The following PLCH1 variants were observed in gnomAD, a reference collection of about 807,000 sequenced individuals.
The protein encoded by PLCH1 is 1-phosphatidylinositol 4,5-bisphosphate phosphodiesterase eta-1.
A neutral mutation model predicts 126.7 loss-of-function variants in PLCH1; 60 were observed. The ratio of observed to expected loss-of-function variants is 0.47; its 90% CI spans 0.38 to 0.59. The LOEUF (loss-of-function observed/expected upper bound fraction) is 0.59. Ranked by LOEUF, PLCH1 falls within the 20% of genes least tolerant of loss-of-function variation. PLCH1 has a pLI of 0.00. For synonymous variants in PLCH1, 719 were observed against 734.9 expected (o/e 0.98, Z 0.35); for missense variants, 1,723 against 2,040.0 (o/e 0.84, Z 2.99).
At chr3:155,571,276 A>G (rs1329204163) in intron 6 of PLCH1, among the ~76,000 whole-genome samples, 1 of 152,190 alleles carries the variant, frequency 6.6e-6, no homozygotes, top group African/African-American at 2.4e-5. Context: ...TATTTTTATC[A>G]AAGGGTTATA....
intron 2 of PLCH1, among the ~76,000 whole-genome samples, chr3:155,602,994 A>G (rs1273356031): frequency 7.0e-6 from 1 of 143,044 alleles, no homozygotes; most frequent in Non-Finnish European, 1.5e-5. Context: ...ACTCTTTGCT[A>G]CAAAAGAACC....
intron 1 of PLCH1, among the ~76,000 whole-genome samples, chr3:155,721,977 A>ATGGAGGTT (rs529404180): frequency 2.6e-5 from 4 of 151,886 alleles, no homozygotes; most frequent in Admixed American, 2.6e-4. Context: ...AACCTGGGAG[A>ATGGAGGTT]TGGAGGTTGT....
chr3:155,653,209 C>T (rs1232843488), intron 2 of PLCH1, among the ~76,000 whole-genome samples: 1 of 151,638 alleles, frequency 6.6e-6, no homozygotes, highest in African/African-American at 2.4e-5. Context: ...ATAGATGATG[C>T]AGTCTCACTG....
chr3:155,458,453 GGAAAGAAA>G (rs796818041), intron 21 of PLCH1, among the ~76,000 whole-genome samples: 591 of 28,556 alleles, frequency 0.021, 26 homozygotes, highest in Admixed American at 0.039. Context: ...AAGGAAGGAA[GGAAAGAAA>G]GAAAGAAAGA....
chr3:155,581,005 T>C (rs114709666), intron 6 of PLCH1, among the ~76,000 whole-genome samples: 72 of 152,330 alleles, frequency 4.7e-4, no homozygotes, highest in Non-Finnish European at 8.8e-4. Flanking sequence ...GAAATGTTAC[T>C]AATCCAAGCA....
intron 1 of PLCH1, among the ~76,000 whole-genome samples, chr3:155,731,861 T>G (rs1012380431): frequency 1.3e-5 from 2 of 151,892 alleles, no homozygotes; most frequent in African/African-American, 4.8e-5. Context: ...CACACACCTA[T>G]AGTCCCAGCT....
At chr3:155,712,726 C>A (rs1167153368) in intron 1 of PLCH1, among the ~76,000 whole-genome samples, 1 of 150,982 alleles carries the variant, frequency 6.6e-6, no homozygotes, top group Non-Finnish European at 1.5e-5. Flanking sequence ...GGTGGGACAG[C>A]GATACTCTGT....
At chr3:155,497,843 T>C (rs1243454897) in intron 14 of PLCH1, among the ~76,000 whole-genome samples, 1 of 152,108 alleles carries the variant, frequency 6.6e-6, no homozygotes, top group African/African-American at 2.4e-5. Flanking sequence ...GCCTCCCGAG[T>C]AGCTGGGACT....
At chr3:155,650,598 G>T (rs1216638585) in intron 2 of PLCH1, among the ~76,000 whole-genome samples, 5 of 152,014 alleles carry the variant, frequency 3.3e-5, no homozygotes, top group African/African-American at 9.7e-5. Flanking sequence ...GAAATTAAGA[G>T]AAAGTAGTTG....
intron 2 of PLCH1, among the ~76,000 whole-genome samples, chr3:155,639,864 T>A (rs1739193415): frequency 1.3e-5 from 2 of 150,406 alleles, no homozygotes; most frequent in South Asian, 4.3e-4. Flanking sequence ...GTTCTCAGGA[T>A]AGTGAGTGAG....
At chr3:155,601,962 T>C (rs915419504) in intron 2 of PLCH1, among the ~76,000 whole-genome samples, 3 of 152,192 alleles carry the variant, frequency 2.0e-5, no homozygotes, top group African/African-American at 7.2e-5. Flanking sequence ...TCTTTTGTGC[T>C]TGGCCTTTCA....
At chr3:155,612,548 A>C (rs1735246920) in intron 2 of PLCH1, among the ~76,000 whole-genome samples, 1 of 151,998 alleles carries the variant, frequency 6.6e-6, no homozygotes, top group South Asian at 2.1e-4. Context: ...AAAAAAAGAT[A>C]AATGAACAAA....
chr3:155,488,668 A>G lies in PLCH1; in HGVS notation c.2531T>C (p.Leu844Ser), dbSNP rs1206749454. The change falls in exon 20 of 23, where the codon TTA becomes TCA. Residue 844 changes from leucine to serine, a missense_variant. This residue lies in a region of PLCH1 where 776 missense variants were observed against 1,062.9 expected (regional missense o/e 0.73). Coordinates refer to ENST00000460012, the MANE Select transcript of PLCH1 (RefSeq NM_014996.4). ...GGCCAGCTCATACCTACCAGGCACT[A>G]AGCTGCTGAAGGTCACAGTTCTTTG... ...VGQRTVTFSS[L>S]VPGYRHVYLE... 6.2e-7 allele frequency: 1 copy of G among 1,612,018 alleles called. No individual in the cohort carries two copies. Among genetic ancestry groups the G allele is most frequent in the African/African-American group, 1.3e-5 (1 of 74,826 alleles).
Position 155,586,191 on chromosome 3 carries a change from C to T in PLCH1, c.474G>A (p.Trp158Ter). ...LAKRQRTHDQ[W>*]VKQTFEEADK... Reference sequence around the variant, plus strand: ...CAGCTTCCTCAAAGGTCTGCTTCACCCATGTGCAGAAAGGTCAAAGAAAAC... The same window carrying T: ...CAGCTTCCTCAAAGGTCTGCTTCACTCATGTGCAGAAAGGTCAAAGAAAAC... Residue 158 changes from tryptophan to a stop codon, truncating the protein, a stop_gained, in exon 5 of 23, where the codon TGG becomes TGA. Transcript: ENST00000460012. LOFTEE classifies it high-confidence loss of function. 1 of 1,614,048 alleles carries T rather than the reference C, an allele frequency of 6.2e-7. No individual in the cohort carries two copies. The highest frequency in any genetic ancestry group is 8.5e-7 in the Non-Finnish European group (1 of 1,179,960).
At chr3:155,589,257 AAC>A (rs1731786440) in intron 4 of PLCH1, among the ~76,000 whole-genome samples, 1 of 152,152 alleles carries the variant, frequency 6.6e-6, no homozygotes, top group Non-Finnish European at 1.5e-5. Flanking sequence ...TCTCAGCTGC[AAC>A]TATTCCACTC....
intron 10 of PLCH1, among the ~76,000 whole-genome samples, chr3:155,537,293 A>T: frequency 1.4e-5 from 2 of 144,718 alleles, no homozygotes; most frequent in East Asian, 4.0e-4. Flanking sequence ...TAAAACCTCC[A>T]TAAAGCATAA....
chr3:155,558,174 A>C (rs776946790), intron 8 of PLCH1, among the ~76,000 whole-genome samples: 1 of 152,234 alleles, frequency 6.6e-6, no homozygotes, highest in Non-Finnish European at 1.5e-5. Flanking sequence ...GAGAACCTCC[A>C]GGTCACAATA....
intron 6 of PLCH1, among the ~76,000 whole-genome samples, chr3:155,572,426 A>ATTAGT (rs1471438893): frequency 9.9e-5 from 15 of 152,140 alleles, no homozygotes; most frequent in Non-Finnish European, 2.9e-5. Context: ...TTGTTTGCTA[A>ATTAGT]TTAGTTTAGT....
intron 21 of PLCH1, among the ~76,000 whole-genome samples, chr3:155,469,286 G>T (rs1261968027): frequency 5.3e-5 from 8 of 152,294 alleles, no homozygotes; most frequent in East Asian, 1.9e-4. Flanking sequence ...GTCAGGGAGT[G>T]CCCTTTCCGA....
Sources: allele counts gnomAD v4.1 joint callset (sites outside exome capture counted in the v4.1 genomes callset), GRCh38; gene constraint gnomAD v4.1.1; regional missense constraint gnomAD v4.1.1; transcripts MANE v1.5; gene names NCBI Gene and HGNC (gene_info 2026-07-23, HGNC 2026-07-21).